PCDHA13: variants seen among roughly 807,000 people sequenced by gnomAD.
The protein encoded by PCDHA13 is protocadherin alpha 13, also known as protocadherin alpha-13.
Under a neutral mutation model 64.8 loss-of-function variants are expected in PCDHA13, and 54 were observed. The ratio of observed to expected loss-of-function variants is 0.83; its 90% CI spans 0.67 to 1.04. The LOEUF is 1.04. Ranked by LOEUF, PCDHA13 falls within the 50% of genes least tolerant of loss-of-function variation. The probability of loss-of-function intolerance (pLI) is 0.00; values close to 1 mark genes in which losing one functional copy is unlikely to be tolerated. For missense variants in PCDHA13, 1,248 were observed against 1,254.3 expected (o/e 0.99, Z 0.08); for synonymous variants, 587 against 564.4 (o/e 1.04, Z -0.57).
intron 1 of PCDHA13, chr5:140,966,708 C>G (rs1033433543): frequency 7.2e-7 from 1 of 1,384,746 alleles, no homozygotes; most frequent in Non-Finnish European, 9.3e-7. Context: ...GCGTGGGGCA[C>G]GGCTGGGGAA....
At chr5:140,934,561 TTTAA>T (rs549996624) in intron 1 of PCDHA13, among the ~76,000 whole-genome samples, 1 of 152,208 alleles carries the variant, frequency 6.6e-6, no homozygotes, top group South Asian at 2.1e-4. Flanking sequence ...TCTTCTTTTT[TTTAA>T]TTAATTGTAA....
At chr5:140,950,439 G>A (rs1448812695) in intron 1 of PCDHA13, among the ~76,000 whole-genome samples, 1 of 151,962 alleles carries the variant, frequency 6.6e-6, no homozygotes, top group Non-Finnish European at 1.5e-5. Context: ...TAAAAAAAAT[G>A]TTATTCTACT....
chr5:141,005,489 G>A (rs1336877426), intron 3 of PCDHA13, among the ~76,000 whole-genome samples: 3 of 151,788 alleles, frequency 2.0e-5, no homozygotes, highest in Non-Finnish European at 4.4e-5. Context: ...GGATCATGAG[G>A]TCAGGAGATC....
chr5:140,946,782 C>T (rs1225488337), intron 1 of PCDHA13, among the ~76,000 whole-genome samples: 1 of 151,104 alleles, frequency 6.6e-6, no homozygotes, highest in African/African-American at 2.4e-5. Flanking sequence ...TGTAAAAAAG[C>T]TGATCTTATA....
At chr5:140,977,284 G>T (rs1377580391) in intron 1 of PCDHA13, among the ~76,000 whole-genome samples, 1 of 152,210 alleles carries the variant, frequency 6.6e-6, no homozygotes, top group Admixed American at 6.5e-5. Flanking sequence ...TCAAAGGAAG[G>T]TTCTCTCAGC....
chr5:140,924,921 T>A (rs1167960449), intron 1 of PCDHA13, among the ~76,000 whole-genome samples: 5 of 126,218 alleles, frequency 4.0e-5, no homozygotes, highest in African/African-American at 1.5e-4. Context: ...TAAAATAAAA[T>A]AAAATAAAAT....
chr5:141,008,871 C>T (rs1249220900), intron 3 of PCDHA13, among the ~76,000 whole-genome samples: 2 of 152,168 alleles, frequency 1.3e-5, no homozygotes, highest in African/African-American at 4.8e-5. Context: ...TGCTGCATCC[C>T]ACCACCCTTC....
chr5:140,971,203 T>A (rs1586466173), intron 1 of PCDHA13, among the ~76,000 whole-genome samples: 2 of 152,308 alleles, frequency 1.3e-5, no homozygotes, highest in Middle Eastern at 6.8e-3. Context: ...GGAAAGACAC[T>A]GTTACCCTCC....
rs539246204 is a variant in PCDHA13 at position 140,883,140 on chromosome 5, A to G, written c.872A>G (p.Tyr291Cys). The change falls in exon 1 of 4, where the codon TAT (tyrosine) becomes TGT (cysteine). Residue 291 changes from tyrosine to cysteine, a missense_variant. By Grantham distance (194) the Tyr-to-Cys change is radical (BLOSUM62 -2). Coordinates refer to ENST00000289272, the MANE Select transcript of PCDHA13 (RefSeq NM_018904.3). The stretch of plus-strand genomic sequence containing the variant: ...AGGCCTGTATGGCCTGCAGTGGTAT[A>G]TGCATTTACCATAAATCCGAACAAT... ...FRRPVWPAVV[Y>C]AFTINPNNGE... is the part of the protein sequence containing the mutation. 9 of 1,614,118 alleles carry G rather than the reference A, an allele frequency of 5.6e-6. No individual in the cohort carries two copies. The South Asian group carries it at 9.9e-5, about 18-fold the overall frequency.
intron 1 of PCDHA13, among the ~76,000 whole-genome samples, chr5:140,965,377 A>T (rs1479954226): frequency 6.6e-6 from 1 of 152,190 alleles, no homozygotes; most frequent in African/African-American, 2.4e-5. Context: ...AAACTTGGGG[A>T]CACAGAAGAA....
At chr5:140,989,321 C>T (rs898791820) in intron 3 of PCDHA13, among the ~76,000 whole-genome samples, 2 of 152,296 alleles carry the variant, frequency 1.3e-5, no homozygotes, top group Non-Finnish European at 1.5e-5. Context: ...GTCTCACCAA[C>T]TTTGCCACCT....
chr5:140,940,756 T>A (rs782132428), intron 1 of PCDHA13, among the ~76,000 whole-genome samples: 23 of 152,246 alleles, frequency 1.5e-4, no homozygotes, highest in Non-Finnish European at 2.8e-4. Context: ...GTGTGCCAAC[T>A]TTTATTTGAC....
intron 1 of PCDHA13, among the ~76,000 whole-genome samples, chr5:140,891,205 A>G (rs561238636): frequency 3.3e-5 from 5 of 152,120 alleles, no homozygotes; most frequent in African/African-American, 1.2e-4. Context: ...CAGTTTTACC[A>G]TGCTGTGTCT....
intron 3 of PCDHA13, among the ~76,000 whole-genome samples, chr5:140,992,953 C>G (rs1377524442): frequency 5.9e-5 from 9 of 152,172 alleles, no homozygotes; most frequent in African/African-American, 2.2e-4. Flanking sequence ...ATTAAATCAC[C>G]CCTTATACTG....
At position 141,010,952 on chromosome 5, in the gene PCDHA13, T is replaced by C. The variant is rs1217882818; in HGVS notation, c.*1015T>C. On this transcript the variant is annotated 3_prime_UTR_variant, in exon 4 of 4. Coordinates refer to ENST00000289272, the MANE Select transcript of PCDHA13 (RefSeq NM_018904.3). ...AGTCTACAGCCATTTAAATGATCAT[T>C]GCTGCTACAGAAGTGCTTTAAGAGA... 1 of 153,792 alleles carries C rather than the reference T, an allele frequency of 6.5e-6. No individual in the cohort carries two copies. Among genetic ancestry groups the C allele is most frequent in the East Asian group, 1.9e-4 (1 of 5,194 alleles). The allele number at this position is 153,792 out of a possible 1,614,324, so 9.5% of individuals were successfully genotyped here. A position where few individuals can be genotyped will look rare whatever the true frequency, so the allele number is the denominator to read the frequency against.
At position 140,926,851 on chromosome 5, in the gene PCDHA13, T is replaced by G. The variant is rs201136210; in HGVS notation, c.2394+42189T>G. On this transcript the variant is annotated intron_variant, in intron 1 of 3. Transcript: ENST00000289272. The stretch of plus-strand genomic sequence containing the variant: ...TCCGGAGCATGGTCCTGGGTCACCG[T>G]TGGTGTAGCGTGTTGGTGGAACGTG... 3 of 1,517,102 alleles carry G rather than the reference T, an allele frequency of 2.0e-6. No homozygotes were observed. In the African/African-American group the frequency reaches 4.2e-5, roughly 21 times the overall value. The allele number at this position is 1,517,102 out of a possible 1,614,324, so 94.0% of individuals were successfully genotyped here.
At chr5:140,890,961 TTTTG>T (rs1239214366) in intron 1 of PCDHA13, among the ~76,000 whole-genome samples, 3 of 152,172 alleles carry the variant, frequency 2.0e-5, no homozygotes, top group African/African-American at 7.2e-5. Flanking sequence ...TGATTTCAGG[TTTTG>T]TTTTTCTGAA....
At chr5:140,975,130 G>C (rs1445050521) in intron 1 of PCDHA13, among the ~76,000 whole-genome samples, 1 of 152,082 alleles carries the variant, frequency 6.6e-6, no homozygotes, top group Non-Finnish European at 1.5e-5. Flanking sequence ...CTTACTATTG[G>C]CCTGGGGTCA....
chr5:140,969,339 A>AGTG (rs782647003), intron 1 of PCDHA13: 3 of 1,613,948 alleles, frequency 1.9e-6, no homozygotes, highest in African/African-American at 2.7e-5. Flanking sequence ...GAGGTGAGAC[A>AGTG]GTGGTCAGGG....
Sources: gnomAD v4.1 joint callset for allele counts (sites outside exome capture counted in the v4.1 genomes callset) on GRCh38, gnomAD v4.1.1 for gene constraint, MANE v1.5 for transcripts, NCBI Gene and HGNC (gene_info 2026-07-23, HGNC 2026-07-21) for gene names.